Variants in KAT8 observed in about 807,000 individuals in gnomAD.
The protein encoded by KAT8 is lysine acetyltransferase 8.
Under a neutral mutation model 62.9 loss-of-function variants are expected in KAT8, and 40 were observed. The observed-to-expected ratio is 0.64, with a 90% CI of 0.49 to 0.83. The LOEUF (loss-of-function observed/expected upper bound fraction) is 0.83. Ranked by LOEUF, KAT8 falls within the 40% of genes least tolerant of loss-of-function variation. KAT8 has a pLI of 0.00. For missense variants in KAT8, 387 were observed against 614.8 expected (o/e 0.63, Z 3.92); for synonymous variants, 278 against 254.5 (o/e 1.09, Z -0.88).
At chr16:31,125,552 C>G (rs1161376668) in intron 3 of KAT8, 1 of 133,100 alleles carries the variant, frequency 7.5e-6, no homozygotes. Context: ...TGCAGTGAGC[C>G]GAGATGGTGC....
Position 31,127,216 on chromosome 16 carries a change from A to T in KAT8, c.544A>T (p.Ile182Phe). 6.2e-7 allele frequency: 1 copy of T among 1,614,190 alleles called. No homozygotes were observed. The highest frequency in any genetic ancestry group is 8.5e-7 in the Non-Finnish European group (1 of 1,180,006). ...AITKVKYVDKIHIGNYEIDAW... is the reference protein window; with the variant it reads ...AITKVKYVDKFHIGNYEIDAW... ...CACCAAGGTGAAGTATGTGGACAAG[A>T]TCCACATCGGGAACTACGAAATTGA... Residue 182 changes from isoleucine (I) to phenylalanine (F), a missense_variant, in exon 5 of 11, where the codon ATC becomes TTC. Around this residue, in one of 6 missense-constraint regions of KAT8, gnomAD observed 141 missense variants for 222.5 expected, o/e 0.63. Coordinates refer to ENST00000219797, the MANE Select transcript of KAT8 (RefSeq NM_032188.3).
chr16:31,131,072 C>T lies in KAT8; in HGVS notation c.1313-123C>T, dbSNP rs1373555281. 4 of 1,514,066 alleles carry T rather than the reference C, an allele frequency of 2.6e-6. No individual in the cohort carries two copies. In the Admixed American group the frequency reaches 8.5e-5, roughly 32 times the overall value. The allele number at this position is 1,514,066 out of a possible 1,614,324, so 93.8% of individuals were successfully genotyped here. A position where few individuals can be genotyped will look rare whatever the true frequency, so the allele number is the denominator to read the frequency against. On this transcript the variant is annotated intron_variant, in intron 10 of 10. Coordinates refer to ENST00000219797, the MANE Select transcript of KAT8 (RefSeq NM_032188.3). ...CCTGGGCTTCCCTACCCCTCCCCAG[C>T]ACAGCCTGCCCTTTTGTTCTCACCT... is the stretch of plus-strand genomic sequence containing the variant.
chr16:31,123,971 T>C (rs2143976425), intron 3 of KAT8: 1 of 152,268 alleles, frequency 6.6e-6, no homozygotes, highest in East Asian at 1.9e-4. Context: ...AATCAAAGAA[T>C]AGGTAATGAA....
At position 31,130,780 on chromosome 16, in the gene KAT8, A is replaced by G; in HGVS notation, c.1192A>G (p.Ser398Gly). 6.2e-7 allele frequency: 1 copy of G among 1,614,188 alleles called. No homozygotes were observed. Among genetic ancestry groups the G allele is most frequent in the South Asian group, 1.1e-5 (1 of 91,086 alleles). The change falls in exon 10 of 11, where the codon AGT (serine) becomes GGT (glycine). Residue 398 changes from serine to glycine, a missense_variant. Transcript: ENST00000219797. ...CAGTATCACCCAAAATGACATCATC[A>G]GTACCCTGCAATCCCTCAATATGGT... ...MTSITQNDIISTLQSLNMVKY... is the reference protein window; with the variant it reads ...MTSITQNDIIGTLQSLNMVKY...
chr16:31,117,785 C>A lies in KAT8; in HGVS notation c.104C>A (p.Ala35Asp). Residue 35 changes from alanine (A) to aspartate (D), a missense_variant, in exon 1 of 11, where the codon GCC (alanine) becomes GAC (aspartate). Ala to Asp is a moderately radical substitution (Grantham distance 126). Transcript: ENST00000219797. ...PGENAAAEGT[A>D]PSPGRVSPPT... ...GAGAATGCGGCCGCTGAGGGGACCGCCCCATCCCCGGGCCGCGTCTCTCCG... is the reference window on the plus strand; with the variant it reads ...GAGAATGCGGCCGCTGAGGGGACCGACCCATCCCCGGGCCGCGTCTCTCCG... 1 of 1,408,772 alleles carries A rather than the reference C, an allele frequency of 7.1e-7. No homozygotes were observed. Among genetic ancestry groups the A allele is most frequent in the Non-Finnish European group, 9.3e-7 (1 of 1,070,228 alleles). 87.3% of individuals were successfully genotyped at this position (1,408,772 alleles called of 1,614,324 possible). A position where few individuals can be genotyped will look rare whatever the true frequency, so the allele number is the denominator to read the frequency against.
intron 7 of KAT8, 43 bp downstream of exon 7, chr16:31,130,200 G>A (rs371390084): frequency 4.4e-5 from 71 of 1,611,406 alleles, no homozygotes; most frequent in Non-Finnish European, 2.0e-5. Flanking sequence ...TGGGGAGGGC[G>A]AAGGTGGGCA....
intron 3 of KAT8, among the ~76,000 whole-genome samples, chr16:31,124,710 C>T (rs1458383552): frequency 9.3e-5 from 12 of 129,068 alleles, no homozygotes; most frequent in Non-Finnish European, 1.3e-4. Context: ...CCAGCCTGGG[C>T]GACAGGGCGA....
chr16:31,131,039 C>T (rs1375246224), intron 10 of KAT8, 139 bp downstream of exon 10: 2 of 1,503,708 alleles, frequency 1.3e-6, no homozygotes, highest in Non-Finnish European at 1.8e-6. Flanking sequence ...CGGGGCAGGC[C>T]TCTCATTCCT....
At chr16:31,128,242 T>A (rs2057548059) in intron 6 of KAT8, 103 bp downstream of exon 6, 6 of 879,790 alleles carry the variant, frequency 6.8e-6, no homozygotes, top group Non-Finnish European at 3.7e-6. Flanking sequence ...TAGCTGAGCC[T>A]CTATGGGCAG....
chr16:31,121,309 C>T (rs573308930), intron 3 of KAT8, among the ~76,000 whole-genome samples: 41 of 151,982 alleles, frequency 2.7e-4, no homozygotes, highest in African/African-American at 8.7e-4. Flanking sequence ...TTAGTAGAGA[C>T]GAGGTTTCGC....
At position 31,117,828 on chromosome 16, in the gene KAT8, C is replaced by T; in HGVS notation, c.147C>T (p.Gly49=). 1 of 1,439,502 alleles carries T rather than the reference C, an allele frequency of 6.9e-7. No homozygotes were observed. The highest frequency in any genetic ancestry group is 2.2e-4 in the Middle Eastern group (1 of 4,490). The allele number at this position is 1,439,502 out of a possible 1,614,324, so 89.2% of individuals were successfully genotyped here. The change falls in exon 1 of 11, where the codon GGC becomes GGT. Residue 49 remains glycine (G), a synonymous_variant. Transcript: ENST00000219797. ...TCTCTCCGCCGACCCCGGCGCGCGGCGAGCCGGAAGTCACGGTGGAGATCG... is the reference window on the plus strand; with the variant it reads ...TCTCTCCGCCGACCCCGGCGCGCGGTGAGCCGGAAGTCACGGTGGAGATCG... ...GRVSPPTPAR[G]EPEVTVEIGE...
rs187993007 is a variant in KAT8 at position 31,118,004 on chromosome 16, A to G, written c.211+112A>G. 456 of 795,346 alleles carry G rather than the reference A, an allele frequency of 5.7e-4. 1 individual carries two copies. Among genetic ancestry groups the G allele is most frequent in the Non-Finnish European group, 7.8e-5 (45 of 574,792 alleles). The allele number at this position is 795,346 out of a possible 1,614,324, so 49.3% of individuals were successfully genotyped here. On this transcript the variant is annotated intron_variant, in intron 1 of 10. Transcript: ENST00000219797. ...CAAGATCCGGGGGCTGGGAGTGGAG[A>G]GGAGGAGGGGCGGGGCTTGAGGAAA...
At chr16:31,118,192 A>G (rs1441481913) in intron 1 of KAT8, 1 of 320,016 alleles carries the variant, frequency 3.1e-6, no homozygotes, top group Non-Finnish European at 5.7e-6. Context: ...TTTTCTTGCT[A>G]ACGCTGCTTC....
rs2057578556 is a variant in KAT8 at position 31,131,350 on chromosome 16, A to T, written c.*91A>T. On this transcript the variant is annotated 3_prime_UTR_variant, in exon 11 of 11. Transcript: ENST00000219797. ...GTTTTGTCATTTTTTTAATAAAGTC[A>T]GTTCTGGTGGCCCTGGACTTTGGAG... is the stretch of plus-strand genomic sequence containing the variant. 6.8e-7 allele frequency: 1 copy of T among 1,468,906 alleles called. No homozygotes were observed. The highest frequency in any genetic ancestry group is 1.9e-5 in the Admixed American group (1 of 52,204). 91.0% of individuals were successfully genotyped at this position (1,468,906 alleles called of 1,614,324 possible). A position where few individuals can be genotyped will look rare whatever the true frequency, so the allele number is the denominator to read the frequency against.
Position 31,117,907 on chromosome 16 carries a change from C to T in KAT8, c.211+15C>T. On this transcript the variant is annotated intron_variant, in intron 1 of 10. Coordinates refer to ENST00000219797, the MANE Select transcript of KAT8 (RefSeq NM_032188.3). ...TAGCACCTGGCGTGAGGGCGGGGCC[C>T]AGGGCTGGGGGCGGGGCGGAGCTCA... The T allele has an allele frequency of 1.5e-6, 2 of 1,305,842 alleles. No homozygotes were observed. The highest frequency in any genetic ancestry group is 2.0e-6 in the Non-Finnish European group (2 of 1,017,062). 80.9% of individuals were successfully genotyped at this position (1,305,842 alleles called of 1,614,324 possible).
intron 1 of KAT8, chr16:31,118,645 T>G (rs2057469428): frequency 1.3e-5 from 2 of 152,240 alleles, no homozygotes; most frequent in South Asian, 4.1e-4. Flanking sequence ...TTTGTAACAT[T>G]ATGTTGTAAT....
At chr16:31,128,511 C>T (rs2057549646) in intron 6 of KAT8, among the ~76,000 whole-genome samples, 1 of 152,014 alleles carries the variant, frequency 6.6e-6, no homozygotes, top group East Asian at 1.9e-4. Context: ...TGCCACTGTA[C>T]TCCAGCCTGG....
Position 31,120,336 on chromosome 16 carries a change from C to G in KAT8, c.287-3C>G. On this transcript the variant is annotated splice_region_variant and splice_polypyrimidine_tract_variant and intron_variant, in intron 2 of 10. Transcript: ENST00000219797. ...GCAGCACTCTTATGGCCCATACTTA[C>G]AGTTAACCGGCGGCTGGACGAGTGG... is the stretch of plus-strand genomic sequence containing the variant. 3 of 1,613,952 alleles carry G rather than the reference C, an allele frequency of 1.9e-6. No individual in the cohort carries two copies. The highest frequency in any genetic ancestry group is 2.5e-6 in the Non-Finnish European group (3 of 1,179,806).
Position 31,131,277 on chromosome 16 carries a change from G to C in KAT8, c.*18G>C. 1 of 1,614,094 alleles carries C rather than the reference G, an allele frequency of 6.2e-7. No individual in the cohort carries two copies. On this transcript the variant is annotated 3_prime_UTR_variant, in exon 11 of 11. Coordinates refer to ENST00000219797, the MANE Select transcript of KAT8 (RefSeq NM_032188.3). Reference sequence around the variant, plus strand: ...AGAAGTGAGCAGCCTGGCCCCTGCTGTCGGACCTGAGCCTCCTGGCTCCCA... The same window carrying C: ...AGAAGTGAGCAGCCTGGCCCCTGCTCTCGGACCTGAGCCTCCTGGCTCCCA...
Sources: allele counts gnomAD v4.1 joint callset (sites outside exome capture counted in the v4.1 genomes callset), GRCh38; gene constraint gnomAD v4.1.1; regional missense constraint gnomAD v4.1.1; transcripts MANE v1.5; gene names NCBI Gene and HGNC (gene_info 2026-07-23, HGNC 2026-07-21).